Variants in SERINC5 observed in about 807,000 individuals in gnomAD.
SERINC5 encodes the protein chromosome 5 open reading frame 12.
Under a neutral mutation model 63.1 loss-of-function variants are expected in SERINC5, and 41 were observed. The observed-to-expected ratio is 0.65, with a 90% CI of 0.51 to 0.84. The LOEUF is 0.84. Among genes scored for constraint, SERINC5 ranks in the 40% least tolerant of loss-of-function variants. The pLI, the probability that SERINC5 is intolerant of heterozygous loss-of-function variation, is 0.00. For missense variants in SERINC5, 523 were observed against 573.0 expected (o/e 0.91, Z 0.89); for synonymous variants, 222 against 215.2 (o/e 1.03, Z -0.28).
At chr5:80,144,950 C>T (rs1745722127) in intron 11 of SERINC5, among the ~76,000 whole-genome samples, 1 of 151,868 alleles carries the variant, frequency 6.6e-6, no homozygotes, top group Admixed American at 6.5e-5. Flanking sequence ...AAGTATGAAC[C>T]TCTGTGTAGT....
chr5:80,153,808 C>CAA (rs1349445320), intron 8 of SERINC5, among the ~76,000 whole-genome samples: 4 of 91,306 alleles, frequency 4.4e-5, no homozygotes, highest in Admixed American at 1.2e-4. Context: ...TGGTGACAGC[C>CAA]AAAAAAAAAA....
intron 2 of SERINC5, among the ~76,000 whole-genome samples, chr5:80,191,492 A>G (rs1049518112): frequency 1.1e-4 from 11 of 103,446 alleles, no homozygotes; most frequent in Non-Finnish European, 2.1e-4. Context: ...AAAAAAAAAA[A>G]AAAGAAAAAA....
chr5:80,158,973 A>G lies in SERINC5; in HGVS notation c.860-11T>C, dbSNP rs917258838. The G allele has an allele frequency of 2.5e-6, 4 of 1,613,252 alleles. No individual in the cohort carries two copies. In the African/African-American group the frequency reaches 5.3e-5, roughly 21 times the overall value. On this transcript the variant is annotated splice_polypyrimidine_tract_variant and intron_variant, in intron 7 of 11. Coordinates refer to ENST00000507668, the MANE Select transcript of SERINC5 (RefSeq NM_001174072.3). ...CATGTTCATCTAGAACTTGAAAAGA[A>G]AAAACAAAGTCATCACAGTCAAGTA...
chr5:80,111,795 T>C (rs940240527), intron 12 of SERINC5: 4 of 152,274 alleles, frequency 2.6e-5, no homozygotes, highest in African/African-American at 9.6e-5. Flanking sequence ...TTTTGATCTG[T>C]ACCCTGAACA....
At position 80,255,970 on chromosome 5, in the gene SERINC5, C is replaced by T. The variant is rs773258415; in HGVS notation, c.-48G>A. On this transcript the variant is annotated 5_prime_UTR_variant, in exon 1 of 12. In the 5' UTR this introduces an upstream ATG that the reference lacks. Coordinates refer to ENST00000507668, the MANE Select transcript of SERINC5 (RefSeq NM_001174072.3). ...GCGCTCGCTGGCTCCCCGCGCCGCA[C>T]GGGCCCTCCTGGCTGCCTCGCGCCT... The T allele has an allele frequency of 1.3e-6, 2 of 1,494,050 alleles. No individual in the cohort carries two copies. The highest frequency in any genetic ancestry group is 1.3e-5 in the South Asian group (1 of 78,986). The allele number at this position is 1,494,050 out of a possible 1,614,324, so 92.5% of individuals were successfully genotyped here.
chr5:80,221,752 G>A (rs1750914734), intron 1 of SERINC5, among the ~76,000 whole-genome samples: 1 of 149,564 alleles, frequency 6.7e-6, no homozygotes, highest in African/African-American at 2.5e-5. Flanking sequence ...TCTGTAAAAT[G>A]CACTCCATTG....
At chr5:80,196,327 C>T (rs1019236648) in intron 2 of SERINC5, among the ~76,000 whole-genome samples, 4 of 152,034 alleles carry the variant, frequency 2.6e-5, no homozygotes, top group Non-Finnish European at 4.4e-5. Context: ...CTCACACACA[C>T]TATAGCGACT....
intron 2 of SERINC5, among the ~76,000 whole-genome samples, chr5:80,189,634 A>G (rs1303928932): frequency 6.6e-6 from 1 of 152,244 alleles, no homozygotes; most frequent in Non-Finnish European, 1.5e-5. Flanking sequence ...TGAAACATGC[A>G]GGTCTTTCTA....
chr5:80,204,030 T>C (rs1750025798), intron 1 of SERINC5, among the ~76,000 whole-genome samples: 1 of 152,222 alleles, frequency 6.6e-6, no homozygotes, highest in African/African-American at 2.4e-5. Flanking sequence ...AACGCATCCA[T>C]GTGCCTGGAG....
At chr5:80,115,195 T>G (rs959597597) in intron 11 of SERINC5, among the ~76,000 whole-genome samples, 3 of 151,866 alleles carry the variant, frequency 2.0e-5, no homozygotes, top group Non-Finnish European at 2.9e-5. Context: ...TAAAAATGGG[T>G]GGGGAGAAAT....
Position 80,140,226 on chromosome 5 carries a change from G to A in SERINC5, c.*3437C>T, listed in dbSNP as rs1359817125. The A allele has an allele frequency of 2.4e-6, 2 of 828,960 alleles. No individual in the cohort carries two copies. The highest frequency in any genetic ancestry group is 2.0e-5 in the African/African-American group (1 of 50,044). The allele number at this position is 828,960 out of a possible 1,614,324, so 51.4% of individuals were successfully genotyped here. On this transcript the variant is annotated 3_prime_UTR_variant, in exon 12 of 12. Transcript: ENST00000507668. Reference sequence around the variant, plus strand: ...CTCAGCTACTTGGGAGGTGGTCCTTGAGCCCAGGAGGTCAAGCCTGCCATG... The same window carrying A: ...CTCAGCTACTTGGGAGGTGGTCCTTAAGCCCAGGAGGTCAAGCCTGCCATG...
intron 8 of SERINC5, among the ~76,000 whole-genome samples, chr5:80,155,426 ATGGTGGCG>A (rs1386693280): frequency 3.9e-5 from 6 of 152,142 alleles, no homozygotes; most frequent in African/African-American, 1.2e-4. Flanking sequence ...TTAGCCGGGC[ATGGTGGCG>A]TGGTGGCACG....
At chr5:80,213,669 T>C (rs1026277776) in intron 1 of SERINC5, among the ~76,000 whole-genome samples, 5 of 152,182 alleles carry the variant, frequency 3.3e-5, no homozygotes, top group Admixed American at 6.5e-5. Context: ...TCCCTTTCTG[T>C]GCCCCTTCCT....
At chr5:80,167,471 T>G (rs1390455602) in intron 6 of SERINC5, among the ~76,000 whole-genome samples, 2 of 152,328 alleles carry the variant, frequency 1.3e-5, no homozygotes, top group East Asian at 3.9e-4. Context: ...ATGTACCACA[T>G]TTTCTTTATT....
In SERINC5 at chr5:80,140,808, A is replaced by T. The variant is rs1745463429; in HGVS notation, c.*2855T>A. Reference sequence around the variant, plus strand: ...TACATCAGACAAATCACACAGAGGAAATATTCACATGCAGCTTTAAAAAAG... The same window carrying T: ...TACATCAGACAAATCACACAGAGGATATATTCACATGCAGCTTTAAAAAAG... On this transcript the variant is annotated 3_prime_UTR_variant, in exon 12 of 12. Coordinates refer to ENST00000507668, the MANE Select transcript of SERINC5 (RefSeq NM_001174072.3). 3 of 985,388 alleles carry T rather than the reference A, an allele frequency of 3.0e-6. No individual in the cohort carries two copies. In the African/African-American group the frequency reaches 5.2e-5, roughly 17 times the overall value. The allele number at this position is 985,388 out of a possible 1,614,324, so 61.0% of individuals were successfully genotyped here. A position where few individuals can be genotyped will look rare whatever the true frequency, so the allele number is the denominator to read the frequency against.
chr5:80,226,413 C>T (rs1050794412), intron 1 of SERINC5, among the ~76,000 whole-genome samples: 1 of 152,170 alleles, frequency 6.6e-6, no homozygotes, highest in Non-Finnish European at 1.5e-5. Flanking sequence ...ATCTCTGATT[C>T]CAGAGCCCAA....
At position 80,256,013 on chromosome 5, in the gene SERINC5, C is replaced by G; in HGVS notation, c.-91G>C. 2 of 1,293,516 alleles carry G rather than the reference C, an allele frequency of 1.5e-6. No individual in the cohort carries two copies. Among genetic ancestry groups the G allele is most frequent in the Non-Finnish European group, 2.0e-6 (2 of 979,366 alleles). The allele number at this position is 1,293,516 out of a possible 1,614,324, so 80.1% of individuals were successfully genotyped here. A position where few individuals can be genotyped will look rare whatever the true frequency, so the allele number is the denominator to read the frequency against. ...TCGCGCCTCGAGCGCTGGGCTCAGC[C>G]GCAGCTCACACTTGAACGAAGATCA... is the stretch of plus-strand genomic sequence containing the variant. On this transcript the variant is annotated 5_prime_UTR_variant, in exon 1 of 12. Coordinates refer to ENST00000507668, the MANE Select transcript of SERINC5 (RefSeq NM_001174072.3).
chr5:80,169,615 G>GT, intron 5 of SERINC5, 69 bp from the exon 6 acceptor site: 2 of 1,272,918 alleles, frequency 1.6e-6, no homozygotes, highest in Non-Finnish European at 2.2e-6. Context: ...CCATTCTGCG[G>GT]TAACAGTCAC....
chr5:80,154,029 G>A (rs1455959931), intron 8 of SERINC5, among the ~76,000 whole-genome samples: 7 of 152,098 alleles, frequency 4.6e-5, no homozygotes, highest in African/African-American at 9.7e-5. Context: ...CCTGACAAAC[G>A]TACAGGGTAG....
Sources: allele counts gnomAD v4.1 joint callset (sites outside exome capture counted in the v4.1 genomes callset), GRCh38; gene constraint gnomAD v4.1.1; transcripts MANE v1.5; gene names NCBI Gene and HGNC (gene_info 2026-07-23, HGNC 2026-07-21).